EPB41L4A: variants seen among roughly 807,000 people sequenced by gnomAD.
EPB41L4A encodes the protein erythrocyte membrane protein band 4.1 like 4A, also known as band 4.1-like protein 4A.
In EPB41L4A, 100 loss-of-function variants were observed where a neutral mutation model predicts 108.6. That is an observed-to-expected ratio of 0.92 (90% CI 0.78 to 1.09). EPB41L4A has a LOEUF of 1.09. EPB41L4A is among the 50% of genes least tolerant of loss of function. EPB41L4A has a pLI of 0.00. For missense variants in EPB41L4A, 1,030 were observed against 842.7 expected, an observed-to-expected ratio of 1.22 and a Z score of -2.75; for synonymous variants, 319 against 289.0, an observed-to-expected ratio of 1.10 and a Z score of -1.05.
At chr5:112,325,799 A>G (rs1248665814) in intron 1 of EPB41L4A, among the ~76,000 whole-genome samples, 1 of 152,156 alleles carries the variant, frequency 6.6e-6, no homozygotes, top group Non-Finnish European at 1.5e-5. Context: ...GTGAGATGGG[A>G]TAACTGAACT....
chr5:112,276,948 C>A (rs1422933353), intron 3 of EPB41L4A, among the ~76,000 whole-genome samples: 2 of 152,214 alleles, frequency 1.3e-5, no homozygotes, highest in Non-Finnish European at 1.5e-5. Flanking sequence ...AAAGAAACTG[C>A]TAGAATTTCT....
At chr5:112,158,065 C>T (rs567253551), downstream of EPB41L4A, among the ~76,000 whole-genome samples, 14 of 152,284 alleles carry the variant, frequency 9.2e-5, no homozygotes, top group Non-Finnish European at 7.3e-5. Context: ...GAATTGATTT[C>T]CTAAAACCTA....
intron 1 of EPB41L4A, among the ~76,000 whole-genome samples, chr5:112,324,154 T>A (rs1303912632): frequency 1.3e-5 from 2 of 152,118 alleles, no homozygotes; most frequent in Admixed American, 1.3e-4. Flanking sequence ...GAATTTACAA[T>A]TTAACTATTG....
At chr5:112,413,201 T>G (rs889313703) in intron 1 of EPB41L4A, among the ~76,000 whole-genome samples, 4 of 152,192 alleles carry the variant, frequency 2.6e-5, no homozygotes, top group African/African-American at 9.6e-5. Context: ...AAAGATTTGG[T>G]ACTTACAAAA....
At chr5:112,170,851 C>A in intron 19 of EPB41L4A, 94 bp downstream of exon 19, 1 of 1,095,962 alleles carries the variant, frequency 9.1e-7, no homozygotes, top group Non-Finnish European at 1.4e-6. Context: ...GCAGGCATCA[C>A]GCTGAAGTTG....
chr5:112,418,014 G>A, intron 1 of EPB41L4A, among the ~76,000 whole-genome samples: 1 of 152,220 alleles, frequency 6.6e-6, no homozygotes, highest in Middle Eastern at 3.4e-3. Flanking sequence ...GCCTGAACTC[G>A]ATTTCTCAGA....
chr5:112,153,582 G>C (rs200988469), intron 12 of EPB41L4A, among the ~76,000 whole-genome samples: 1 of 143,164 alleles, frequency 7.0e-6, no homozygotes, highest in Non-Finnish European at 1.5e-5. Context: ...TATATAGAGA[G>C]AGAGAGAGAG....
intron 17 of EPB41L4A, among the ~76,000 whole-genome samples, chr5:112,189,449 T>C (rs1174784886): frequency 1.3e-5 from 2 of 152,184 alleles, no homozygotes; most frequent in East Asian, 3.8e-4. Context: ...AATTTCATAG[T>C]ACAGGCTCCC....
rs116764339 is a variant in EPB41L4A at position 112,242,627 on chromosome 5, G to A, written c.796-1817C>T. On this transcript the variant is annotated intron_variant, in intron 9 of 22. Coordinates refer to ENST00000261486, the MANE Select transcript of EPB41L4A (RefSeq NM_022140.5). The stretch of plus-strand genomic sequence containing the variant: ...TTATCTTAGGGGCATCCAGAATGGT[G>A]AATATTTTCCAGAAGTTTTTCACTT... 7.7e-3 allele frequency among the ~76,000 whole-genome samples: 1,169 copies of A among 152,328 alleles called. 18 individuals are homozygous for A. The highest frequency in any genetic ancestry group is 0.026 in the African/African-American group (1,081 of 41,588).
chr5:112,415,184 A>T (rs1312090505), intron 1 of EPB41L4A, among the ~76,000 whole-genome samples: 1 of 152,118 alleles, frequency 6.6e-6, no homozygotes, highest in Non-Finnish European at 1.5e-5. Flanking sequence ...TTCCTAGCTT[A>T]TTAGGAAATT....
At chr5:112,317,197 T>C (rs193043402) in intron 1 of EPB41L4A, among the ~76,000 whole-genome samples, 166 of 152,328 alleles carry the variant, frequency 1.1e-3, no homozygotes, top group African/African-American at 3.7e-3. Context: ...ACTTGTTATA[T>C]GCTTTATGTT....
intron 11 of EPB41L4A, among the ~76,000 whole-genome samples, chr5:112,237,030 G>A (rs1749388387): frequency 6.6e-6 from 1 of 152,106 alleles, no homozygotes; most frequent in Non-Finnish European, 1.5e-5. Context: ...GGGTTCCCAG[G>A]GGAGTTTCTA....
intron 15 of EPB41L4A, among the ~76,000 whole-genome samples, chr5:112,197,291 G>A (rs1220449915): frequency 6.6e-6 from 1 of 152,090 alleles, no homozygotes; most frequent in African/African-American, 2.4e-5. Context: ...TATGCCCCAT[G>A]CTCCATTTCC....
chr5:112,232,685 C>T (rs1749042148), intron 12 of EPB41L4A, among the ~76,000 whole-genome samples: 3 of 152,138 alleles, frequency 2.0e-5, no homozygotes, highest in Admixed American at 1.3e-4. Context: ...TCAATTTTCA[C>T]ACAATGTTCC....
chr5:112,419,600 G>A (rs772077430), upstream of EPB41L4A: 10 of 454,698 alleles, frequency 2.2e-5, no homozygotes, highest in Admixed American at 1.4e-4. Context: ...CGCCGAGTAT[G>A]AAGCGCTCGG....
intron 1 of EPB41L4A, among the ~76,000 whole-genome samples, chr5:112,322,276 G>C (rs1375000992): frequency 6.6e-6 from 1 of 152,118 alleles, no homozygotes. Flanking sequence ...GGAAACCATA[G>C]GCTAACTTAG....
At chr5:112,260,064 GTTACATTAA>G in intron 7 of EPB41L4A, 85 bp from the exon 8 acceptor site, 3 of 998,236 alleles carry the variant, frequency 3.0e-6, no homozygotes, top group Non-Finnish European at 4.7e-6. Context: ...AATATAATTT[GTTACATTAA>G]TATTGGATTT....
chr5:112,384,705 A>G (rs1760386116), intron 1 of EPB41L4A, among the ~76,000 whole-genome samples: 1 of 151,432 alleles, frequency 6.6e-6, no homozygotes, highest in Non-Finnish European at 1.5e-5. Flanking sequence ...GGAAGGAAGG[A>G]AGGGAGAGGG....
chr5:112,228,290 C>T (rs1748612684), intron 12 of EPB41L4A: 1 of 152,230 alleles, frequency 6.6e-6, no homozygotes, highest in Non-Finnish European at 1.5e-5. Flanking sequence ...TCTTGAAACA[C>T]TGGAAGATAC....
Sources: allele counts gnomAD v4.1 joint callset (sites outside exome capture counted in the v4.1 genomes callset), GRCh38; gene constraint gnomAD v4.1.1; transcripts MANE v1.5; gene names NCBI Gene and HGNC (gene_info 2026-07-23, HGNC 2026-07-21).